NEDD4L: variants seen among roughly 807,000 people sequenced by gnomAD.
The protein encoded by NEDD4L is E3 ubiquitin-protein ligase NEDD4-like.
A neutral mutation model predicts 148.9 loss-of-function variants in NEDD4L; 54 were observed. The ratio of observed to expected loss-of-function variants is 0.36; its 90% CI spans 0.29 to 0.45. The LOEUF (loss-of-function observed/expected upper bound fraction) is 0.45, where lower values mean the gene tolerates loss of function less well. NEDD4L is among the 20% of genes least tolerant of loss of function. NEDD4L has a pLI of 1.00. For synonymous variants in NEDD4L, 433 were observed against 440.7 expected (o/e 0.98, Z 0.22); for missense variants, 856 against 1,233.8 (o/e 0.69, Z 4.59).
At chr18:58,214,576 G>A (rs1046559231) in intron 2 of NEDD4L, among the ~76,000 whole-genome samples, 1 of 141,166 alleles carries the variant, frequency 7.1e-6, no homozygotes, top group Non-Finnish European at 1.5e-5. Context: ...CTGTCATATA[G>A]TAAGGATTCC....
At chr18:58,200,531 G>A (rs951271720) in intron 2 of NEDD4L, among the ~76,000 whole-genome samples, 7 of 152,194 alleles carry the variant, frequency 4.6e-5, no homozygotes, top group Non-Finnish European at 1.0e-4. Context: ...TTAATTGACG[G>A]TAAGTCATGA....
intron 5 of NEDD4L, among the ~76,000 whole-genome samples, chr18:58,277,956 C>A (rs901514188): frequency 9.2e-5 from 14 of 152,042 alleles, no homozygotes; most frequent in Non-Finnish European, 1.9e-4. Flanking sequence ...CACAGGGTGT[C>A]CATGGTCCTC....
chr18:58,217,818 G>A (rs2043308436), intron 2 of NEDD4L, among the ~76,000 whole-genome samples: 1 of 152,124 alleles, frequency 6.6e-6, no homozygotes, highest in Non-Finnish European at 1.5e-5. Context: ...TATGTATATG[G>A]AAATAGTTTA....
intron 1 of NEDD4L, among the ~76,000 whole-genome samples, chr18:58,162,886 A>T (rs572947753): frequency 1.2e-4 from 18 of 152,110 alleles, no homozygotes; most frequent in Middle Eastern, 3.4e-3. Flanking sequence ...CAACATGGTG[A>T]AACCCCATCT....
intron 1 of NEDD4L, among the ~76,000 whole-genome samples, chr18:58,115,756 CAG>C (rs2085780091): frequency 6.6e-6 from 1 of 152,168 alleles, no homozygotes; most frequent in Non-Finnish European, 1.5e-5. Context: ...AAAACGTTGA[CAG>C]AGGGGAGCAC....
At chr18:58,384,063 A>G (rs1259419785) in intron 25 of NEDD4L, among the ~76,000 whole-genome samples, 1 of 152,156 alleles carries the variant, frequency 6.6e-6, no homozygotes, top group Non-Finnish European at 1.5e-5. Flanking sequence ...GGGTCGCCAC[A>G]GTGGCCCTGA....
At position 58,044,351 on chromosome 18, in the gene NEDD4L, A is replaced by C; in HGVS notation, c.-310A>C. 3.0e-5 allele frequency: 5 copies of C among 166,086 alleles called. No homozygotes were observed. The highest frequency in any genetic ancestry group is 5.1e-5 in the Non-Finnish European group (4 of 78,198). The allele number at this position is 166,086 out of a possible 1,614,324, so 10.3% of individuals were successfully genotyped here. Reference sequence around the variant, plus strand: ...GGGAGGCGCGGGTCGCGGGGAGGGAAAGCCCGGCCGGGTCTGCGCCGCCGC... The same window carrying C: ...GGGAGGCGCGGGTCGCGGGGAGGGACAGCCCGGCCGGGTCTGCGCCGCCGC... On this transcript the variant is annotated 5_prime_UTR_variant, in exon 1 of 31. Coordinates refer to ENST00000400345, the MANE Select transcript of NEDD4L (RefSeq NM_001144967.3).
At chr18:58,194,479 G>A (rs1189333616) in intron 2 of NEDD4L, among the ~76,000 whole-genome samples, 3 of 152,180 alleles carry the variant, frequency 2.0e-5, no homozygotes, top group Admixed American at 1.3e-4. Context: ...GCTCAATAAA[G>A]CCTTTATTTT....
At chr18:58,255,687 C>G in intron 5 of NEDD4L, 1 of 1,232,486 alleles carries the variant, frequency 8.1e-7, no homozygotes, top group South Asian at 4.1e-5. Context: ...CGCAGCAACA[C>G]AGCCCCCGAA....
chr18:58,290,796 T>C (rs957804419), intron 5 of NEDD4L, among the ~76,000 whole-genome samples: 11 of 152,130 alleles, frequency 7.2e-5, no homozygotes, highest in African/African-American at 1.2e-4. Flanking sequence ...TAGAGACTTG[T>C]CATCTGCTCT....
chr18:58,389,401 G>T (rs2049488779), intron 28 of NEDD4L: 2 of 467,800 alleles, frequency 4.3e-6, no homozygotes, highest in Non-Finnish European at 7.7e-6. Flanking sequence ...AGACTTGAAT[G>T]AAGTTGGTCC....
chr18:58,166,430 T>C (rs2036852261), intron 2 of NEDD4L, among the ~76,000 whole-genome samples: 1 of 152,214 alleles, frequency 6.6e-6, no homozygotes, highest in African/African-American at 2.4e-5. Context: ...TTGTTCCTAT[T>C]GGCTGTCAGC....
chr18:58,261,286 AT>A (rs1369694991), intron 5 of NEDD4L, among the ~76,000 whole-genome samples: 1 of 152,196 alleles, frequency 6.6e-6, no homozygotes, highest in East Asian at 1.9e-4. Context: ...TTGAAGCCTT[AT>A]AACATTTTGG....
chr18:58,157,957 G>A (rs8084983), intron 1 of NEDD4L, among the ~76,000 whole-genome samples: 73,798 of 152,050 alleles, frequency 0.49, 18,163 homozygotes, highest in Admixed American at 0.56. Context: ...TAAAGCAACA[G>A]ATATTTATTA....
chr18:58,349,420 C>A, intron 16 of NEDD4L, 117 bp from the exon 17 acceptor site: 1 of 751,238 alleles, frequency 1.3e-6, no homozygotes, highest in Non-Finnish European at 2.4e-6. Flanking sequence ...CCATCTCACG[C>A]TCCAGGCATG....
At chr18:58,125,125 C>T (rs2030800836) in intron 1 of NEDD4L, among the ~76,000 whole-genome samples, 1 of 152,210 alleles carries the variant, frequency 6.6e-6, no homozygotes, top group African/African-American at 2.4e-5. Flanking sequence ...GTCTCGAACT[C>T]ATGGCCTCAA....
Position 58,323,338 on chromosome 18 carries a change from C to G in NEDD4L, c.513+4C>G. ...TGACCAGAGGGATGACATGGAGGTACGTGGAGGGCGTCAGGCCTCTCTCCT... is the reference window on the plus strand; with the variant it reads ...TGACCAGAGGGATGACATGGAGGTAGGTGGAGGGCGTCAGGCCTCTCTCCT... On this transcript the variant is annotated splice_donor_region_variant and intron_variant, in intron 8 of 30. Transcript: ENST00000400345. 6.7e-7 allele frequency: 1 copy of G among 1,499,672 alleles called. No homozygotes were observed. The highest frequency in any genetic ancestry group is 9.2e-7 in the Non-Finnish European group (1 of 1,086,602). 92.9% of individuals were successfully genotyped at this position (1,499,672 alleles called of 1,614,324 possible).
chr18:58,301,008 G>A (rs1032707863), intron 5 of NEDD4L, among the ~76,000 whole-genome samples: 4 of 152,188 alleles, frequency 2.6e-5, no homozygotes, highest in South Asian at 2.1e-4. Flanking sequence ...TCTTTGAATC[G>A]CCGAGTCTTA....
At chr18:58,229,858 C>T (rs1057028958) in intron 2 of NEDD4L, among the ~76,000 whole-genome samples, 15 of 151,952 alleles carry the variant, frequency 9.9e-5, no homozygotes, top group African/African-American at 3.1e-4. Flanking sequence ...GGCGTGGTGG[C>T]GGGCACCTGT....
Sources: gnomAD v4.1 joint callset for allele counts (sites outside exome capture counted in the v4.1 genomes callset) on GRCh38, gnomAD v4.1.1 for gene constraint, MANE v1.5 for transcripts, NCBI Gene and HGNC (gene_info 2026-07-23, HGNC 2026-07-21) for gene names.